The following RBM20 variants were observed in gnomAD, a reference collection of about 807,000 sequenced individuals.
RBM20 encodes the protein RNA-binding protein 20.
RBM20 carries 51 observed loss-of-function variants against 110.1 expected under a neutral mutation model. The observed-to-expected ratio is 0.46, with a 90% CI of 0.37 to 0.59. The LOEUF is 0.59. Among genes scored for constraint, RBM20 ranks in the 20% least tolerant of loss-of-function variants. RBM20 has a pLI of 0.00. For synonymous variants in RBM20, 589 were observed against 618.2 expected (o/e 0.95, Z 0.70); for missense variants, 1,512 against 1,574.9 (o/e 0.96, Z 0.68).
At chr10:110,754,808 A>G (rs1050625607) in intron 1 of RBM20, among the ~76,000 whole-genome samples, 7 of 152,198 alleles carry the variant, frequency 4.6e-5, no homozygotes, top group Non-Finnish European at 8.8e-5. Context: ...AAGTGTGTCC[A>G]GGTCGGTTTC....
At chr10:110,664,084 A>C (rs767679654) in intron 1 of RBM20, among the ~76,000 whole-genome samples, 3 of 152,192 alleles carry the variant, frequency 2.0e-5, no homozygotes, top group Non-Finnish European at 4.4e-5. Context: ...CAAATAAAAA[A>C]ATTTTTCTAA....
At chr10:110,767,803 G>C (rs1269068256) in intron 1 of RBM20, among the ~76,000 whole-genome samples, 2 of 151,990 alleles carry the variant, frequency 1.3e-5, no homozygotes, top group African/African-American at 2.4e-5. Context: ...TCACTTCCTA[G>C]ATGGGATGGC....
Position 110,644,582 on chromosome 10 carries a change from AGCC to A in RBM20, c.141_143del (p.Pro48del), listed in dbSNP as rs756342135. The A allele has an allele frequency of 7.6e-5, 116 of 1,522,122 alleles. No homozygotes were observed. Among genetic ancestry groups the A allele is most frequent in the African/African-American group, 2.8e-4 (20 of 70,246 alleles). 94.3% of individuals were successfully genotyped at this position (1,522,122 alleles called of 1,614,324 possible). ...CCCTCCGGCCCGCGAGGGATGCAGC[AGCC>A]GCCGCCGCCGCCCCAGCCACCGCCC... On this transcript the variant is annotated inframe_deletion, in exon 1 of 14. Transcript: ENST00000369519. The surrounding 1 kb of genome is among the most constrained non-coding windows in gnomAD (Gnocchi z 4.3).
In RBM20 at chr10:110,781,145, G is replaced by A. The variant is rs727504943; in HGVS notation, c.536G>A (p.Gly179Asp). The A allele has an allele frequency of 2.6e-6, 4 of 1,551,518 alleles. No homozygotes were observed. The highest frequency in any genetic ancestry group is 2.6e-6 in the Non-Finnish European group (3 of 1,147,008). ...TTTTCACCCCCCAGCCAGACACGAG[G>A]CCCCGGACCCTCCATGAACCTTCCC... ...IAFSPPSQTR[G>D]PGPSMNLPNQ... The change falls in exon 2 of 14, where the codon GGC becomes GAC. Residue 179 changes from glycine (G) to aspartate (D), a missense_variant. Physicochemically the swap from Gly to Asp is moderately conservative, Grantham distance 94 (BLOSUM62 -1). This residue lies in a region of RBM20 where 1,149 missense variants were observed against 1,169.4 expected (regional missense o/e 0.98). Coordinates refer to ENST00000369519, the MANE Select transcript of RBM20 (RefSeq NM_001134363.3).
chr10:110,699,425 C>G (rs761387870), intron 1 of RBM20, among the ~76,000 whole-genome samples: 20 of 151,888 alleles, frequency 1.3e-4, no homozygotes, highest in Non-Finnish European at 2.9e-4. Context: ...GCGCTGACCA[C>G]CACGCCTGGC....
chr10:110,712,849 A>G (rs947047965), intron 1 of RBM20, among the ~76,000 whole-genome samples: 2 of 152,228 alleles, frequency 1.3e-5, no homozygotes, highest in African/African-American at 2.4e-5. Context: ...CCTGGACTCC[A>G]CTATATAATC....
intron 1 of RBM20, among the ~76,000 whole-genome samples, chr10:110,674,427 C>T (rs1294288320): frequency 1.3e-5 from 2 of 152,208 alleles, no homozygotes; most frequent in Non-Finnish European, 2.9e-5. Context: ...AGTTTAAACA[C>T]ATTCTGAGCA....
At chr10:110,677,104 T>C (rs1862349455) in intron 1 of RBM20, among the ~76,000 whole-genome samples, 1 of 152,200 alleles carries the variant, frequency 6.6e-6, no homozygotes, top group Non-Finnish European at 1.5e-5. Context: ...GCCTTCTTGC[T>C]GGTGGGAACT....
Position 110,836,182 on chromosome 10 carries a change from C to T in RBM20, c.*204C>T. ...GAGCAAGTCACCCAGGTGTGTCCAG[C>T]CCACTGAGGGTCACCAACTCTCTCC... On this transcript the variant is annotated 3_prime_UTR_variant, in exon 14 of 14. Coordinates refer to ENST00000369519, the MANE Select transcript of RBM20 (RefSeq NM_001134363.3). 1 of 391,906 alleles carries T rather than the reference C, an allele frequency of 2.6e-6. No homozygotes were observed. 24.3% of individuals were successfully genotyped at this position (391,906 alleles called of 1,614,324 possible).
chr10:110,787,702 G>A (rs1279380207), intron 5 of RBM20, among the ~76,000 whole-genome samples: 2 of 152,166 alleles, frequency 1.3e-5, no homozygotes, highest in African/African-American at 2.4e-5. Flanking sequence ...CACTTCCTCC[G>A]AACACCTAGA....
At chr10:110,684,743 G>A (rs1197064649) in intron 1 of RBM20, among the ~76,000 whole-genome samples, 1 of 147,104 alleles carries the variant, frequency 6.8e-6, no homozygotes, top group African/African-American at 2.5e-5. Context: ...GAAAAGTGAG[G>A]ATTTTAATAC....
At chr10:110,721,504 C>T (rs1008370576) in intron 1 of RBM20, among the ~76,000 whole-genome samples, 5 of 152,104 alleles carry the variant, frequency 3.3e-5, no homozygotes, top group African/African-American at 9.7e-5. Flanking sequence ...GGTGAGTGTG[C>T]GCATGTCTGT....
chr10:110,668,514 G>A (rs1862212644), intron 1 of RBM20, among the ~76,000 whole-genome samples: 1 of 152,066 alleles, frequency 6.6e-6, no homozygotes, highest in Non-Finnish European at 1.5e-5. Context: ...GGAGACACTG[G>A]ATTATAGGGG....
Position 110,831,080 on chromosome 10 carries a change from C to T in RBM20, c.3471C>T (p.Pro1157=). The change falls in exon 13 of 14, where the codon CCC becomes CCT. Residue 1157 remains proline, a synonymous_variant. Coordinates refer to ENST00000369519, the MANE Select transcript of RBM20 (RefSeq NM_001134363.3). ...SIPLGVEFVV[P]RTGFYCKLCG... ...TCCCAGGGGTGGAGTTCGTGGTTCC[C>T]AGGACTGGCTTTTATTGCAAGCTGT... 6.4e-7 allele frequency: 1 copy of T among 1,551,358 alleles called. No homozygotes were observed. Among genetic ancestry groups the T allele is most frequent in the Non-Finnish European group, 8.7e-7 (1 of 1,146,770 alleles).
chr10:110,644,550 C>T lies in RBM20; in HGVS notation c.96C>T (p.Ser32=). ...VACSVPGARA[S]PAPSGPRGMQ... is the part of the protein sequence containing the mutation. ...GCAGTGTGCCTGGTGCCCGGGCGTCCCCGGCACCCTCCGGCCCGCGAGGGA... is the reference window on the plus strand; with the variant it reads ...GCAGTGTGCCTGGTGCCCGGGCGTCTCCGGCACCCTCCGGCCCGCGAGGGA... Residue 32 remains serine, a synonymous_variant, in exon 1 of 14, where the codon TCC becomes TCT. Coordinates refer to ENST00000369519, the MANE Select transcript of RBM20 (RefSeq NM_001134363.3). This position sits in a 1 kb window ranked among gnomAD's most constrained non-coding sequence, Gnocchi z 4.3. 2.0e-6 allele frequency: 3 copies of T among 1,527,142 alleles called. No homozygotes were observed. Among genetic ancestry groups the T allele is most frequent in the Non-Finnish European group, 2.6e-6 (3 of 1,140,580 alleles). 94.6% of individuals were successfully genotyped at this position (1,527,142 alleles called of 1,614,324 possible).
intron 1 of RBM20, among the ~76,000 whole-genome samples, chr10:110,763,916 C>T (rs1273072190): frequency 6.6e-6 from 1 of 152,088 alleles, no homozygotes; most frequent in Non-Finnish European, 1.5e-5. Context: ...TGTCAGCATC[C>T]CTGGTCTCTG....
chr10:110,704,479 T>G (rs1460931878), intron 1 of RBM20, among the ~76,000 whole-genome samples: 2 of 152,242 alleles, frequency 1.3e-5, no homozygotes, highest in Non-Finnish European at 2.9e-5. Context: ...CTTTAATAAT[T>G]ATAAAAAACA....
chr10:110,667,971 A>G (rs1294064397), intron 1 of RBM20, among the ~76,000 whole-genome samples: 1 of 152,244 alleles, frequency 6.6e-6, no homozygotes, highest in Non-Finnish European at 1.5e-5. Context: ...CTGAGGCTAC[A>G]GCACTTTTAT....
intron 1 of RBM20, among the ~76,000 whole-genome samples, chr10:110,738,148 A>G (rs971298288): frequency 6.6e-6 from 1 of 152,212 alleles, no homozygotes; most frequent in Non-Finnish European, 1.5e-5. Context: ...TAAGTGCTGA[A>G]GAGGAAAGAG....
Sources: gnomAD v4.1 joint callset for allele counts (sites outside exome capture counted in the v4.1 genomes callset) on GRCh38, gnomAD v4.1.1 for gene constraint, gnomAD v4.1.1 regional missense constraint, Gnocchi (gnomAD v3.1) non-coding constraint, MANE v1.5 for transcripts, NCBI Gene and HGNC (gene_info 2026-07-23, HGNC 2026-07-21) for gene names.